Variants in CEP83 observed in about 807,000 individuals in gnomAD.
CEP83 encodes centrosomal protein of 83 kDa.
In CEP83, 70 loss-of-function variants were observed where a neutral mutation model predicts 101.9. The observed-to-expected ratio is 0.69, with a 90% confidence interval of 0.57 to 0.84. The LOEUF (loss-of-function observed/expected upper bound fraction) is 0.84, where lower values mean the gene tolerates loss of function less well. Among genes scored for constraint, CEP83 ranks in the 40% least tolerant of loss-of-function variants. The pLI, the probability that CEP83 is intolerant of heterozygous loss-of-function variation, is 0.00. For missense variants in CEP83, 715 were observed against 787.2 expected (o/e 0.91, Z 1.10); for synonymous variants, 264 against 267.9 (o/e 0.99, Z 0.14).
chr12:94,402,550 C>T lies in CEP83; in HGVS notation c.417+620G>A, dbSNP rs532312345. On this transcript the variant is annotated intron_variant, in intron 5 of 16. Coordinates refer to ENST00000397809, the MANE Select transcript of CEP83 (RefSeq NM_016122.3). ...AGAAAGTGACATTTTAGCAGACTTACAAGAGATGAAGTTTGCCACGACGTA... is the reference window on the plus strand; with the variant it reads ...AGAAAGTGACATTTTAGCAGACTTATAAGAGATGAAGTTTGCCACGACGTA... Among the ~76,000 whole-genome samples, 3 of 152,200 alleles carry T rather than the reference C, an allele frequency of 2.0e-5. No individual in the cohort carries two copies. The South Asian group carries it at 6.2e-4, about 32-fold the overall frequency.
At chr12:94,298,927 T>A in the CEP83 span, 1 of 809,308 alleles carries the variant, frequency 1.2e-6, no homozygotes, top group South Asian at 1.9e-5. Context: ...TAAGCTATCA[T>A]GTCAAAGTAG....
At chr12:94,297,507 A>G in the CEP83 span, 1 of 934,368 alleles carries the variant, frequency 1.1e-6, no homozygotes, top group South Asian at 1.5e-5. Flanking sequence ...AAGTGTGAAA[A>G]TGTTACAAAT....
rs75458002 is a variant in CEP83, at chr12:94,353,549, T to C, written c.1343+14245A>G. ...ATCTACAGTACAACCAGAAAACAAT[T>C]AACAAAATGACAGGACTAAGTCCTT... On this transcript the variant is annotated intron_variant, in intron 11 of 16. Transcript: ENST00000397809. Among the ~76,000 whole-genome samples, 1,325 of 151,836 alleles carry C rather than the reference T, an allele frequency of 8.7e-3. 21 individuals carry two copies. The highest frequency in any genetic ancestry group is 0.031 in the African/African-American group (1,272 of 41,414).
chr12:94,265,852 C>T, the CEP83 span, among the ~76,000 whole-genome samples: 1 of 152,146 alleles, frequency 6.6e-6, no homozygotes, highest in Admixed American at 6.5e-5. Flanking sequence ...CCCACCGCAC[C>T]CACCCCATGC....
At chr12:94,434,415 T>C (rs2065856627) in intron 2 of CEP83, among the ~76,000 whole-genome samples, 1 of 152,224 alleles carries the variant, frequency 6.6e-6, no homozygotes, top group African/African-American at 2.4e-5. Context: ...ACTTTTCAAG[T>C]TATACAAATT....
At chr12:94,282,270 TA>T in the CEP83 span, 2 of 1,534,022 alleles carry the variant, frequency 1.3e-6, no homozygotes, top group Non-Finnish European at 1.8e-6. Context: ...TAAAACTCTC[TA>T]AAAAGGAACA....
chr12:94,297,350 A>T, the CEP83 span: 1 of 1,614,094 alleles, frequency 6.2e-7, no homozygotes, highest in Non-Finnish European at 8.5e-7. Flanking sequence ...CAAGATGTGC[A>T]AGGAAAGAGA....
intron 11 of CEP83, among the ~76,000 whole-genome samples, chr12:94,350,406 A>C (rs1268851856): frequency 3.3e-5 from 5 of 152,216 alleles, no homozygotes; most frequent in African/African-American, 1.2e-4. Context: ...TGTTGTCAAC[A>C]AACAGTGTTG....
the CEP83 span, among the ~76,000 whole-genome samples, chr12:94,291,785 T>C: frequency 6.6e-6 from 1 of 152,200 alleles, no homozygotes; most frequent in Non-Finnish European, 1.5e-5. Flanking sequence ...TTTAGATTCG[T>C]GGGTACATGT....
chr12:94,450,124 C>G (rs2067139828), intron 1 of CEP83, among the ~76,000 whole-genome samples: 3 of 152,310 alleles, frequency 2.0e-5, no homozygotes, highest in Middle Eastern at 6.8e-3. Flanking sequence ...CAACACTTCT[C>G]TTCAACATCT....
intron 6 of CEP83, among the ~76,000 whole-genome samples, chr12:94,390,515 G>C (rs1048772852): frequency 6.6e-6 from 1 of 152,158 alleles, no homozygotes; most frequent in Non-Finnish European, 1.5e-5. Context: ...CAAAAAGATG[G>C]GGAGAAACCA....
intron 5 of CEP83, 144 bp from the exon 6 acceptor site, chr12:94,401,125 A>T (rs985566142): frequency 5.3e-6 from 2 of 380,416 alleles, no homozygotes; most frequent in African/African-American, 4.2e-5. Flanking sequence ...AATACAAATG[A>T]ATTTGGAAAG....
intron 6 of CEP83, among the ~76,000 whole-genome samples, chr12:94,396,871 T>C (rs2062932953): frequency 1.3e-5 from 2 of 152,336 alleles, no homozygotes; most frequent in Admixed American, 6.5e-5. Context: ...GTTTAAATTG[T>C]AAAATTGGAA....
At position 94,401,142 on chromosome 12, in the gene CEP83, A is replaced by C. The variant is rs569424120; in HGVS notation, c.418-161T>G. On this transcript the variant is annotated intron_variant, in intron 5 of 16. Transcript: ENST00000397809. Reference sequence around the variant, plus strand: ...TACAAATGAATTTGGAAAGGTCTTCATAACAAGTATCCTACATACAGAAGT... The same window carrying C: ...TACAAATGAATTTGGAAAGGTCTTCCTAACAAGTATCCTACATACAGAAGT... 1.0e-3 allele frequency: 325 copies of C among 325,824 alleles called. 4 individuals are homozygous for C. The highest frequency in any genetic ancestry group is 3.0e-4 in the Non-Finnish European group (54 of 183,036). 20.2% of individuals were successfully genotyped at this position (325,824 alleles called of 1,614,324 possible).
chr12:94,449,787 A>AT (rs1203554775), intron 1 of CEP83, among the ~76,000 whole-genome samples: 114 of 127,652 alleles, frequency 8.9e-4, no homozygotes, highest in South Asian at 2.0e-3. Context: ...AATAAAAAAA[A>AT]AAAAAAAAAA....
chr12:94,436,874 G>GA (rs1416013879), intron 1 of CEP83, among the ~76,000 whole-genome samples: 1 of 150,366 alleles, frequency 6.7e-6, no homozygotes, highest in Non-Finnish European at 1.5e-5. Context: ...GAAAAGAGAA[G>GA]AAAAAATTAT....
chr12:94,434,366 A>G (rs1487050115), intron 2 of CEP83, among the ~76,000 whole-genome samples: 2 of 152,234 alleles, frequency 1.3e-5, no homozygotes, highest in East Asian at 3.8e-4. Flanking sequence ...GTTTACATGG[A>G]AATTCTTTTT....
chr12:94,268,178 A>G, the CEP83 span, among the ~76,000 whole-genome samples: 1 of 152,210 alleles, frequency 6.6e-6, no homozygotes, highest in South Asian at 2.1e-4. Flanking sequence ...TAGCAATCTA[A>G]AAGTTAGCTT....
At chr12:94,442,214 T>C (rs1303465023) in intron 1 of CEP83, among the ~76,000 whole-genome samples, 3 of 152,134 alleles carry the variant, frequency 2.0e-5, no homozygotes, top group Non-Finnish European at 4.4e-5. Flanking sequence ...GAGGCCATTA[T>C]TCACAGCAAC....
Sources: gnomAD v4.1 joint callset for allele counts (sites outside exome capture counted in the v4.1 genomes callset) on GRCh38, gnomAD v4.1.1 for gene constraint, MANE v1.5 for transcripts, NCBI Gene and HGNC (gene_info 2026-07-23, HGNC 2026-07-21) for gene names.